Variants in RANBP2 observed in about 807,000 individuals in gnomAD.
RANBP2 encodes the protein E3 SUMO-protein ligase RanBP2.
In RANBP2, 57 loss-of-function variants were observed where a neutral mutation model predicts 303.6. The observed-to-expected ratio is 0.19, with a 90% CI of 0.15 to 0.23. The LOEUF is 0.23. RANBP2 is among the 10% of genes least tolerant of loss of function. RANBP2 has a pLI of 1.00. For synonymous variants in RANBP2, 1,167 were observed against 1,301.5 expected (o/e 0.90, Z 2.23); for missense variants, 3,138 against 3,780.8 (o/e 0.83, Z 4.46).
chr2:108,774,016 T>A (rs563311435), intron 23 of RANBP2, among the ~76,000 whole-genome samples: 1 of 152,358 alleles, frequency 6.6e-6, no homozygotes, highest in Admixed American at 6.5e-5. Flanking sequence ...GTATATTTGT[T>A]ACAGTTGATG....
At chr2:109,504,402 G>A in the RANBP2 span, 3 of 152,350 alleles carry the variant, frequency 2.0e-5, no homozygotes, top group South Asian at 4.1e-4. Flanking sequence ...GCGGCCACGG[G>A]TGCTCTCCTG....
At chr2:109,586,298 T>C in the RANBP2 span, among the ~76,000 whole-genome samples, 1 of 152,110 alleles carries the variant, frequency 6.6e-6, no homozygotes, top group Non-Finnish European at 1.5e-5. Context: ...TGGTAACAAT[T>C]ACAAGCAACC....
chr2:108,923,593 T>A, the RANBP2 span: 1 of 725,248 alleles, frequency 1.4e-6, no homozygotes, highest in Non-Finnish European at 2.5e-6. Context: ...AGTCACCTGC[T>A]CTGTCCACTC....
the RANBP2 span, among the ~76,000 whole-genome samples, chr2:108,995,722 A>G: frequency 6.6e-6 from 1 of 152,150 alleles, no homozygotes; most frequent in East Asian, 1.9e-4. Flanking sequence ...GGTGTCAGAG[A>G]CTTCCAAAAA....
chr2:109,452,989 C>T, the RANBP2 span, among the ~76,000 whole-genome samples: 368 of 151,622 alleles, frequency 2.4e-3, 1 homozygote, highest in African/African-American at 8.3e-3. Flanking sequence ...AGGCTATTCC[C>T]GGGAGGCTGG....
chr2:108,839,254 G>T, the RANBP2 span: 3 of 1,612,782 alleles, frequency 1.9e-6, no homozygotes, highest in Non-Finnish European at 2.5e-6. Flanking sequence ...CGAGCCTTTT[G>T]TAAAATTTAT....
At chr2:108,960,508 G>A in the RANBP2 span, among the ~76,000 whole-genome samples, 1 of 152,214 alleles carries the variant, frequency 6.6e-6, no homozygotes, top group African/African-American at 2.4e-5. Context: ...AGGAGCCAGG[G>A]CAGGGTGCAC....
At chr2:109,086,635 T>C in the RANBP2 span, among the ~76,000 whole-genome samples, 6 of 152,122 alleles carry the variant, frequency 3.9e-5, no homozygotes, top group African/African-American at 1.4e-4. Flanking sequence ...TCTCAGCAGG[T>C]CCAGGGCCTG....
the RANBP2 span, among the ~76,000 whole-genome samples, chr2:108,924,273 T>C: frequency 6.6e-6 from 1 of 152,248 alleles, no homozygotes; most frequent in Non-Finnish European, 1.5e-5. Context: ...GTCTGCCCTG[T>C]GGCTGTGCTC....
At chr2:109,239,728 T>C in the RANBP2 span, among the ~76,000 whole-genome samples, 1 of 152,170 alleles carries the variant, frequency 6.6e-6, no homozygotes, top group Non-Finnish European at 1.5e-5. Context: ...GTGCTCCAGC[T>C]TAAATGGAGC....
At chr2:109,348,455 A>C in the RANBP2 span, among the ~76,000 whole-genome samples, 1 of 152,158 alleles carries the variant, frequency 6.6e-6, no homozygotes, top group Non-Finnish European at 1.5e-5. Flanking sequence ...CCTGGTGCGT[A>C]GGGATCCCTG....
the RANBP2 span, among the ~76,000 whole-genome samples, chr2:109,658,183 C>T: frequency 2.0e-5 from 3 of 152,052 alleles, no homozygotes; most frequent in East Asian, 3.9e-4. Flanking sequence ...GGCGGTGGCT[C>T]ATGCCTGTAA....
chr2:109,041,004 G>C, the RANBP2 span, among the ~76,000 whole-genome samples: 3 of 151,912 alleles, frequency 2.0e-5, no homozygotes, highest in East Asian at 5.8e-4. Context: ...TGCTGTGAGC[G>C]GAGATTGCGC....
the RANBP2 span, among the ~76,000 whole-genome samples, chr2:109,260,660 A>G: frequency 9.9e-5 from 15 of 152,256 alleles, no homozygotes; most frequent in East Asian, 2.7e-3. Context: ...TCCAGGGCCA[A>G]TGGAGGCCCA....
chr2:109,670,705 C>T, the RANBP2 span, among the ~76,000 whole-genome samples: 1 of 152,204 alleles, frequency 6.6e-6, no homozygotes, highest in African/African-American at 2.4e-5. Flanking sequence ...AGGGCCCCCA[C>T]ACCTGCTGTG....
Position 108,732,267 on chromosome 2 carries a change from T to C in RANBP2, c.405+793T>C, listed in dbSNP as rs192845886. Among the ~76,000 whole-genome samples, 1,350 of 152,246 alleles carry C rather than the reference T, an allele frequency of 8.9e-3. 23 individuals carry two copies. Among genetic ancestry groups the C allele is most frequent in the African/African-American group, 0.03 (1,227 of 41,518 alleles). On this transcript the variant is annotated intron_variant, in intron 4 of 28. Transcript: ENST00000283195. ...AGTTGCAAAGATTGTACAGAAAGAT[T>C]CTGTATGCTACTTCATTTTTCCCCA...
chr2:109,565,280 T>C, the RANBP2 span, among the ~76,000 whole-genome samples: 1 of 152,232 alleles, frequency 6.6e-6, no homozygotes, highest in Non-Finnish European at 1.5e-5. Flanking sequence ...ATTAGCACTA[T>C]AAGTAAATGA....
chr2:109,101,309 G>A, the RANBP2 span, among the ~76,000 whole-genome samples: 2 of 152,086 alleles, frequency 1.3e-5, no homozygotes, highest in Admixed American at 6.5e-5. Context: ...GGCAGATCAC[G>A]AGGTAAGGAG....
the RANBP2 span, among the ~76,000 whole-genome samples, chr2:108,817,966 G>C: frequency 6.6e-6 from 1 of 152,112 alleles, no homozygotes; most frequent in Non-Finnish European, 1.5e-5. Context: ...CTGCCAATTA[G>C]GAAGGCCTGC....
Sources: gnomAD v4.1 joint callset for allele counts (sites outside exome capture counted in the v4.1 genomes callset) on GRCh38, gnomAD v4.1.1 for gene constraint, MANE v1.5 for transcripts, NCBI Gene and HGNC (gene_info 2026-07-23, HGNC 2026-07-21) for gene names.